Variants in NDUFAF6 observed in about 807,000 individuals in gnomAD.
NDUFAF6 encodes the protein NADH dehydrogenase (ubiquinone) complex I, assembly factor 6.
Under a neutral mutation model 40.8 loss-of-function variants are expected in NDUFAF6, and 45 were observed. That is an observed-to-expected ratio of 1.10 (90% CI 0.87 to 1.42). The LOEUF is 1.42. Among genes scored for constraint, NDUFAF6 ranks in the 40% most tolerant of loss-of-function variants. The probability of loss-of-function intolerance (pLI) is 0.00; values close to 1 mark genes in which losing one functional copy is unlikely to be tolerated. For missense variants in NDUFAF6, 435 were observed against 418.5 expected, an observed-to-expected ratio of 1.04 and a Z score of -0.34; for synonymous variants, 185 against 155.9, an observed-to-expected ratio of 1.19 and a Z score of -1.39.
At chr8:95,092,183 A>ATTTTTT (rs10689536) in intron 2 of NDUFAF6, among the ~76,000 whole-genome samples, 1 of 142,506 alleles carries the variant, frequency 7.0e-6, no homozygotes, top group African/African-American at 2.6e-5. Context: ...CTTTGACACA[A>ATTTTTT]TTTTTTTTTT....
At chr8:95,082,976 T>A (rs1808927468) in intron 2 of NDUFAF6, among the ~76,000 whole-genome samples, 1 of 152,172 alleles carries the variant, frequency 6.6e-6, no homozygotes, top group Non-Finnish European at 1.5e-5. Flanking sequence ...AGACAGAGTC[T>A]GTATGTATTG....
intron 8 of NDUFAF6, among the ~76,000 whole-genome samples, chr8:95,057,182 A>G (rs1267786949): frequency 1.3e-5 from 2 of 152,198 alleles, no homozygotes; most frequent in Admixed American, 1.3e-4. Flanking sequence ...TGTTATTAAA[A>G]TGAAATAAAA....
intron 2 of NDUFAF6, among the ~76,000 whole-genome samples, chr8:95,017,925 C>G (rs1198270681): frequency 1.3e-5 from 2 of 152,194 alleles, no homozygotes; most frequent in African/African-American, 2.4e-5. Context: ...CTCCACTGCT[C>G]ATCTTGGTTT....
chr8:95,109,720 G>A (rs989895610), intron 4 of NDUFAF6, among the ~76,000 whole-genome samples: 3 of 151,582 alleles, frequency 2.0e-5, no homozygotes, highest in African/African-American at 7.3e-5. Flanking sequence ...TCTGACTCTG[G>A]ACTTCCTACT....
At chr8:95,040,459 A>G (rs1587085812) in intron 3 of NDUFAF6, among the ~76,000 whole-genome samples, 1 of 152,178 alleles carries the variant, frequency 6.6e-6, no homozygotes, top group Non-Finnish European at 1.5e-5. Flanking sequence ...CCTCATCAAA[A>G]TTTCTCCCTA....
intron 9 of NDUFAF6, chr8:95,069,215 C>T (rs1832772954): frequency 6.6e-6 from 1 of 151,946 alleles, no homozygotes; most frequent in Non-Finnish European, 1.5e-5. Flanking sequence ...AACAAGGTGG[C>T]TGTTCTCATG....
At position 94,909,346 on chromosome 8, in the gene NDUFAF6, C is replaced by T. The variant is rs1329848087; in HGVS notation, c.-936+13419C>T. ...CCTGGACGACAGAGGGAGACTCCGTCTCAAAAAAAAAAAAAAAAAAAAAAA... is the reference window on the plus strand; with the variant it reads ...CCTGGACGACAGAGGGAGACTCCGTTTCAAAAAAAAAAAAAAAAAAAAAAA... On this transcript the variant is annotated intron_variant, in intron 1 of 14. Coordinates refer to the NDUFAF6 transcript ENST00000396113. Among the ~76,000 whole-genome samples the T allele has an allele frequency of 1.2e-4, 7 of 58,988 alleles. No homozygotes were observed. In the East Asian group the frequency reaches 3.1e-3, roughly 26 times the overall value. 38.7% of individuals were successfully genotyped at this position (58,988 alleles called of 152,430 possible).
chr8:94,958,627 T>C (rs1823295945), intron 1 of NDUFAF6, among the ~76,000 whole-genome samples: 1 of 144,102 alleles, frequency 6.9e-6, no homozygotes, highest in South Asian at 2.3e-4. Flanking sequence ...CTCCGCCTTC[T>C]GGGTTCAAGC....
At chr8:94,898,334 C>A (rs1419347388) in intron 1 of NDUFAF6, among the ~76,000 whole-genome samples, 1 of 152,180 alleles carries the variant, frequency 6.6e-6, no homozygotes, top group Non-Finnish European at 1.5e-5. Context: ...GTCTTAGGTT[C>A]CTCTTGGCCA....
intron 2 of NDUFAF6, chr8:94,949,125 A>G (rs1822304518): frequency 7.7e-6 from 1 of 129,112 alleles, no homozygotes. Flanking sequence ...CCCTGGACGG[A>G]CGCCCGCCCG....
chr8:95,087,222 CTT>C (rs1809080603), intron 2 of NDUFAF6, among the ~76,000 whole-genome samples: 1 of 152,176 alleles, frequency 6.6e-6, no homozygotes, highest in African/African-American at 2.4e-5. Flanking sequence ...GCAAATACAA[CTT>C]TTCATACTTG....
chr8:94,986,740 G>A (rs1825926314), intron 2 of NDUFAF6, among the ~76,000 whole-genome samples: 1 of 152,306 alleles, frequency 6.6e-6, no homozygotes, highest in South Asian at 2.1e-4. Flanking sequence ...TGGAAAAATA[G>A]CATATGAGCT....
upstream of NDUFAF6, among the ~76,000 whole-genome samples, chr8:95,097,165 T>C (rs1809492220): frequency 6.6e-6 from 1 of 152,354 alleles, no homozygotes. Context: ...CAAATGTCCA[T>C]GGGAAATTAC....
In NDUFAF6 at chr8:95,112,674, G is replaced by A. The variant is rs753330366; in HGVS notation, n.345-2862G>A. Among the ~76,000 whole-genome samples, 32 of 152,106 alleles carry A rather than the reference G, an allele frequency of 2.1e-4. 1 individual carries two copies. The highest frequency in any genetic ancestry group is 3.1e-4 in the Non-Finnish European group (21 of 68,022). On this transcript the variant is annotated intron_variant and non_coding_transcript_variant, in intron 4 of 5. Coordinates refer to the NDUFAF6 transcript ENST00000523184. ...CATTAAGATCCTGTTTGCCTACCAC[G>A]TTGCAGACAAAAGACACCTTGCCAT...
intron 2 of NDUFAF6, among the ~76,000 whole-genome samples, chr8:95,102,647 C>G (rs948577366): frequency 6.6e-6 from 1 of 152,106 alleles, no homozygotes; most frequent in African/African-American, 2.4e-5. Context: ...AAGTATTTCC[C>G]ATGGGTACCT....
chr8:95,088,174 G>A (rs1008431246), intron 2 of NDUFAF6, among the ~76,000 whole-genome samples: 14 of 152,120 alleles, frequency 9.2e-5, no homozygotes, highest in Non-Finnish European at 1.9e-4. Context: ...TGGCTATAAG[G>A]ACCAGGTGGC....
chr8:94,932,500 C>G (rs779873772), intron 1 of NDUFAF6, among the ~76,000 whole-genome samples: 1 of 152,212 alleles, frequency 6.6e-6, no homozygotes, highest in Non-Finnish European at 1.5e-5. Context: ...AGCAAGACTT[C>G]CTTATAAGAA....
intron 2 of NDUFAF6, among the ~76,000 whole-genome samples, chr8:94,995,483 G>T (rs955829384): frequency 6.6e-6 from 1 of 152,060 alleles, no homozygotes; most frequent in African/African-American, 2.4e-5. Context: ...TAAAATTTGA[G>T]CCGGGAATGG....
chr8:95,032,412 C>T (rs1285704254), intron 2 of NDUFAF6, among the ~76,000 whole-genome samples: 1 of 152,168 alleles, frequency 6.6e-6, no homozygotes, highest in East Asian at 1.9e-4. Flanking sequence ...ACTGCTTATT[C>T]TTTCCAACAA....
Sources: gnomAD v4.1 joint callset for allele counts (sites outside exome capture counted in the v4.1 genomes callset) on GRCh38, gnomAD v4.1.1 for gene constraint, MANE v1.5 for transcripts, NCBI Gene and HGNC (gene_info 2026-07-23, HGNC 2026-07-21) for gene names.